Variants in LRRTM4 observed in about 807,000 individuals in gnomAD.
LRRTM4 encodes the protein leucine rich repeat transmembrane neuronal 4.
LRRTM4 carries 25 observed loss-of-function variants against 47.6 expected under a neutral mutation model. The ratio of observed to expected loss-of-function variants is 0.53; its 90% CI spans 0.38 to 0.73. The LOEUF is 0.73. LRRTM4 is among the 30% of genes least tolerant of loss of function. LRRTM4 has a pLI of 0.00. For synonymous variants in LRRTM4, 311 were observed against 269.5 expected (o/e 1.15, Z -1.51); for missense variants, 638 against 713.4 (o/e 0.89, Z 1.20).
intron 3 of LRRTM4, among the ~76,000 whole-genome samples, chr2:76,993,949 T>C (rs1220182970): frequency 1.3e-5 from 2 of 151,944 alleles, no homozygotes; most frequent in Non-Finnish European, 2.9e-5. Context: ...AAACATATTT[T>C]TTTTCAGCAA....
At chr2:77,442,640 T>A (rs1573420584) in intron 3 of LRRTM4, among the ~76,000 whole-genome samples, 1 of 152,202 alleles carries the variant, frequency 6.6e-6, no homozygotes. Context: ...GCCCCATATA[T>A]CCAACATACA....
intron 3 of LRRTM4, among the ~76,000 whole-genome samples, chr2:76,913,309 A>G (rs1010819560): frequency 1.2e-4 from 18 of 148,556 alleles, no homozygotes; most frequent in African/African-American, 4.5e-4. Flanking sequence ...ATTACTGGGT[A>G]TTTTTTTTTC....
intron 3 of LRRTM4, among the ~76,000 whole-genome samples, chr2:76,812,099 C>G (rs1446041183): frequency 1.3e-5 from 2 of 152,034 alleles, no homozygotes; most frequent in African/African-American, 4.8e-5. Context: ...GTTATTTGAA[C>G]TTCATAAAGC....
chr2:77,166,484 G>A (rs140296171), intron 3 of LRRTM4, among the ~76,000 whole-genome samples: 294 of 152,232 alleles, frequency 1.9e-3, no homozygotes, highest in African/African-American at 6.8e-3. Context: ...GCAAAAAAGA[G>A]CCCGCATTGC....
intron 3 of LRRTM4, among the ~76,000 whole-genome samples, chr2:77,240,522 A>G (rs926577011): frequency 5.3e-5 from 8 of 151,982 alleles, no homozygotes; most frequent in African/African-American, 1.9e-4. Context: ...TAAAAATGTC[A>G]ACTCTATGTT....
chr2:77,196,248 G>A (rs867071714), intron 3 of LRRTM4, among the ~76,000 whole-genome samples: 1 of 152,074 alleles, frequency 6.6e-6, no homozygotes, highest in Non-Finnish European at 1.5e-5. Context: ...GCAAGATATA[G>A]GTTAGTGATA....
At chr2:77,134,184 A>G (rs1251817572) in intron 3 of LRRTM4, among the ~76,000 whole-genome samples, 7 of 152,180 alleles carry the variant, frequency 4.6e-5, no homozygotes, top group African/African-American at 1.7e-4. Flanking sequence ...TTTAATAAAG[A>G]TGGAAACTAA....
At chr2:77,512,280 T>G (rs1485793830) in intron 3 of LRRTM4, among the ~76,000 whole-genome samples, 1 of 152,120 alleles carries the variant, frequency 6.6e-6, no homozygotes, top group Non-Finnish European at 1.5e-5. Flanking sequence ...AAAAGCCAAT[T>G]GTTTTGATAC....
chr2:77,127,727 G>T (rs1671684025), intron 3 of LRRTM4, among the ~76,000 whole-genome samples: 1 of 152,156 alleles, frequency 6.6e-6, no homozygotes, highest in African/African-American at 2.4e-5. Context: ...CACATGCATG[G>T]TCTTGGAGTC....
intron 3 of LRRTM4, among the ~76,000 whole-genome samples, chr2:77,280,452 G>A (rs1175878328): frequency 2.0e-5 from 3 of 152,032 alleles, no homozygotes; most frequent in African/African-American, 7.2e-5. Flanking sequence ...TAACTTTAAT[G>A]TTAATTGCAT....
chr2:77,318,473 C>G (rs1342194285), intron 3 of LRRTM4, among the ~76,000 whole-genome samples: 5 of 152,146 alleles, frequency 3.3e-5, no homozygotes, highest in Non-Finnish European at 7.4e-5. Flanking sequence ...AGACCCAAAA[C>G]TTTCATAGAA....
chr2:77,393,913 T>G lies in LRRTM4; in HGVS notation c.1551+124405A>C, dbSNP rs571718329. ...ACAGGATGTACTCATTAATTTGAAT[T>G]TTAAAGACAAACAAAATAATTTGTT... On this transcript the variant is annotated intron_variant, in intron 3 of 3. Transcript: ENST00000409884. Among the ~76,000 whole-genome samples the G allele has an allele frequency of 3.3e-5, 5 of 152,112 alleles. No homozygotes were observed. In the South Asian group the frequency reaches 1.0e-3, roughly 32 times the overall value.
intron 3 of LRRTM4, among the ~76,000 whole-genome samples, chr2:77,423,810 A>C (rs374904257): frequency 1.3e-5 from 2 of 152,192 alleles, no homozygotes; most frequent in African/African-American, 4.8e-5. Context: ...AAAAAAGATA[A>C]GGTAGATGAA....
intron 3 of LRRTM4, among the ~76,000 whole-genome samples, chr2:76,994,055 T>C (rs929382537): frequency 7.2e-5 from 11 of 151,754 alleles, no homozygotes; most frequent in East Asian, 1.9e-4. Context: ...CAGCTAAACA[T>C]TGGGTACTCG....
intron 3 of LRRTM4, among the ~76,000 whole-genome samples, chr2:76,962,016 C>A (rs76339061): frequency 0.053 from 7,998 of 150,946 alleles, 481 homozygotes; most frequent in East Asian, 0.14. Context: ...GGTCATATAC[C>A]TTGGAGATAA....
intron 3 of LRRTM4, among the ~76,000 whole-genome samples, chr2:76,977,923 GA>G (rs1676474182): frequency 6.6e-6 from 1 of 151,920 alleles, no homozygotes; most frequent in Admixed American, 6.6e-5. Flanking sequence ...ATATGTCTAA[GA>G]AAGAACTGAA....
intron 3 of LRRTM4, among the ~76,000 whole-genome samples, chr2:76,983,343 T>A (rs986297155): frequency 6.6e-6 from 1 of 152,172 alleles, no homozygotes; most frequent in African/African-American, 2.4e-5. Context: ...TCTCCTTGAA[T>A]TGTAATAATC....
intron 3 of LRRTM4, among the ~76,000 whole-genome samples, chr2:76,959,513 A>G (rs954282739): frequency 5.3e-5 from 8 of 151,712 alleles, no homozygotes; most frequent in African/African-American, 1.9e-4. Flanking sequence ...GGTTTGTTCC[A>G]TTAGACATTC....
chr2:76,996,642 T>G (rs1025606864), intron 3 of LRRTM4, among the ~76,000 whole-genome samples: 2 of 152,104 alleles, frequency 1.3e-5, no homozygotes, highest in Admixed American at 6.6e-5. Context: ...ATATGAAAAA[T>G]GTCATAAGCA....
Sources: allele counts gnomAD v4.1 joint callset (sites outside exome capture counted in the v4.1 genomes callset), GRCh38; gene constraint gnomAD v4.1.1; transcripts MANE v1.5; gene names NCBI Gene and HGNC (gene_info 2026-07-23, HGNC 2026-07-21).